The following CPNE4 variants were observed in gnomAD, a reference collection of about 807,000 sequenced individuals.
The protein encoded by CPNE4 is copine-4.
Under a neutral mutation model 67.9 loss-of-function variants are expected in CPNE4, and 25 were observed. That is an observed-to-expected ratio of 0.37 (90% CI 0.27 to 0.51). The LOEUF (loss-of-function observed/expected upper bound fraction) is 0.51, where lower values mean the gene tolerates loss of function less well. CPNE4 is among the 20% of genes least tolerant of loss of function. The probability of loss-of-function intolerance (pLI) is 0.93; values close to 1 mark genes in which losing one functional copy is unlikely to be tolerated. For missense variants in CPNE4, 464 were observed against 690.8 expected (o/e 0.67, Z 3.68); for synonymous variants, 242 against 244.9 (o/e 0.99, Z 0.11).
intron 2 of CPNE4, among the ~76,000 whole-genome samples, chr3:131,880,396 G>A (rs1290836677): frequency 6.6e-6 from 1 of 152,134 alleles, no homozygotes; most frequent in Non-Finnish European, 1.5e-5. Flanking sequence ...TTACAGGCGT[G>A]AGCCACCACC....
chr3:131,733,710 A>G (rs1017663512), intron 2 of CPNE4, among the ~76,000 whole-genome samples: 8 of 152,264 alleles, frequency 5.3e-5, no homozygotes, highest in African/African-American at 1.9e-4. Context: ...CTAGGAGTCT[A>G]ATCCCACACA....
chr3:131,657,670 G>A (rs1313854885), intron 7 of CPNE4, among the ~76,000 whole-genome samples: 6 of 151,052 alleles, frequency 4.0e-5, no homozygotes, highest in African/African-American at 1.5e-4. Context: ...GAGGAGCTGG[G>A]ATTACAGGCA....
At chr3:131,547,337 C>G (rs1288623796) in intron 14 of CPNE4, among the ~76,000 whole-genome samples, 1 of 151,810 alleles carries the variant, frequency 6.6e-6, no homozygotes, top group Non-Finnish European at 1.5e-5. Flanking sequence ...TGCCTTTGGT[C>G]CCAGCTATTT....
At chr3:131,895,253 CA>C (rs1160678377) in intron 2 of CPNE4, among the ~76,000 whole-genome samples, 4 of 151,840 alleles carry the variant, frequency 2.6e-5, no homozygotes, top group Admixed American at 2.6e-4. Context: ...TCAATGGGTA[CA>C]AAGTTGCAGT....
chr3:131,822,218 C>T (rs1345951358), intron 2 of CPNE4, among the ~76,000 whole-genome samples: 5 of 152,102 alleles, frequency 3.3e-5, no homozygotes, highest in African/African-American at 1.2e-4. Flanking sequence ...CTTCAGCCTA[C>T]AACAAAAGCT....
chr3:131,764,171 A>C (rs2082953222), intron 2 of CPNE4, among the ~76,000 whole-genome samples: 1 of 152,074 alleles, frequency 6.6e-6, no homozygotes, highest in Non-Finnish European at 1.5e-5. Flanking sequence ...TTATCTCACA[A>C]CAATGGAATA....
chr3:131,860,385 T>C lies in CPNE4; in HGVS notation c.180+44879A>G, dbSNP rs140857247. Among the ~76,000 whole-genome samples, 402 of 152,232 alleles carry C rather than the reference T, an allele frequency of 2.6e-3. 3 individuals are homozygous for C. The highest frequency in any genetic ancestry group is 9.3e-3 in the African/African-American group (388 of 41,566). On this transcript the variant is annotated intron_variant, in intron 2 of 15. Coordinates refer to ENST00000429747, the MANE Select transcript of CPNE4 (RefSeq NM_130808.3). ...AAGACATGAAAAATCCAAAAACTAA[T>C]TGAGCTCATTTTAATTATAGCTATA...
At chr3:131,872,618 C>T (rs769019801) in intron 2 of CPNE4, among the ~76,000 whole-genome samples, 1 of 152,096 alleles carries the variant, frequency 6.6e-6, no homozygotes, top group Non-Finnish European at 1.5e-5. Flanking sequence ...AATCAGTCAC[C>T]CTGTGACCTA....
chr3:131,777,512 T>G (rs1378277006), intron 2 of CPNE4, among the ~76,000 whole-genome samples: 2 of 151,936 alleles, frequency 1.3e-5, no homozygotes, highest in African/African-American at 4.8e-5. Context: ...GTTGTCCTGC[T>G]GGAGGATGAT....
intron 15 of CPNE4, among the ~76,000 whole-genome samples, chr3:131,537,127 G>A (rs1935193555): frequency 6.6e-6 from 1 of 152,060 alleles, no homozygotes; most frequent in Non-Finnish European, 1.5e-5. Flanking sequence ...TCACCAAAAT[G>A]TGCTATTTTT....
At chr3:131,845,387 A>C (rs1239149764) in intron 2 of CPNE4, among the ~76,000 whole-genome samples, 1 of 152,226 alleles carries the variant, frequency 6.6e-6, no homozygotes, top group East Asian at 1.9e-4. Context: ...TCCAAATAGC[A>C]AACCGAGGAC....
intron 7 of CPNE4, among the ~76,000 whole-genome samples, chr3:131,663,249 G>A (rs570537099): frequency 2.6e-5 from 4 of 152,002 alleles, no homozygotes; most frequent in East Asian, 1.9e-4. Flanking sequence ...CTCATAAGTC[G>A]GAGTGGAAAA....
At chr3:131,568,414 A>C (rs1306120458) in intron 10 of CPNE4, among the ~76,000 whole-genome samples, 1 of 151,982 alleles carries the variant, frequency 6.6e-6, no homozygotes, top group Non-Finnish European at 1.5e-5. Flanking sequence ...AAAGCAAGAA[A>C]ATGACTGAAA....
At chr3:131,852,010 T>C (rs2107646271) in intron 2 of CPNE4, among the ~76,000 whole-genome samples, 1 of 152,186 alleles carries the variant, frequency 6.6e-6, no homozygotes, top group African/African-American at 2.4e-5. Context: ...TGGGAAGCTG[T>C]AGGCACTCTG....
At chr3:132,006,095 G>A (rs1221290666) in intron 1 of CPNE4, among the ~76,000 whole-genome samples, 5 of 152,188 alleles carry the variant, frequency 3.3e-5, no homozygotes, top group Middle Eastern at 3.4e-3. Context: ...TGATCTCAAC[G>A]TATTGTTGTT....
intron 6 of CPNE4, among the ~76,000 whole-genome samples, chr3:131,682,567 G>C (rs1415293110): frequency 6.6e-6 from 1 of 152,144 alleles, no homozygotes; most frequent in Admixed American, 6.5e-5. Flanking sequence ...GCCACCACTG[G>C]ACTGCACTGG....
At chr3:131,741,641 T>C (rs572270121) in intron 2 of CPNE4, among the ~76,000 whole-genome samples, 1 of 152,110 alleles carries the variant, frequency 6.6e-6, no homozygotes, top group East Asian at 1.9e-4. Flanking sequence ...CAGCAAAGAG[T>C]TGGTACTTTA....
intron 1 of CPNE4, among the ~76,000 whole-genome samples, chr3:131,988,510 A>G (rs1029334894): frequency 1.3e-5 from 2 of 152,216 alleles, no homozygotes; most frequent in African/African-American, 4.8e-5. Context: ...GATGAGGGCA[A>G]TAGCTATGGA....
At chr3:131,828,014 A>T (rs1440517669) in intron 2 of CPNE4, among the ~76,000 whole-genome samples, 2 of 152,032 alleles carry the variant, frequency 1.3e-5, no homozygotes, top group African/African-American at 4.8e-5. Flanking sequence ...AGAAAGAAAC[A>T]GAAGAAACAA....
Sources: gnomAD v4.1 joint callset for allele counts (sites outside exome capture counted in the v4.1 genomes callset) on GRCh38, gnomAD v4.1.1 for gene constraint, MANE v1.5 for transcripts, NCBI Gene and HGNC (gene_info 2026-07-23, HGNC 2026-07-21) for gene names.